The following EHMT1 variants were observed in gnomAD, a reference collection of about 807,000 sequenced individuals.
EHMT1 encodes the protein euchromatic histone lysine methyltransferase 1, also known as histone-lysine N-methyltransferase EHMT1.
EHMT1 carries 15 observed loss-of-function variants against 147.2 expected under a neutral mutation model. That is an observed-to-expected ratio of 0.10 (90% CI 0.07 to 0.16). The LOEUF is 0.16. Among genes scored for constraint, EHMT1 ranks in the 10% least tolerant of loss-of-function variants. The pLI is 1.00. For synonymous variants in EHMT1, 795 were observed against 709.6 expected (o/e 1.12, Z -1.91); for missense variants, 1,587 against 1,772.4 (o/e 0.90, Z 1.88).
At position 137,816,044 on chromosome 9, in the gene EHMT1, T is replaced by C. The variant is rs897615767; in HGVS notation, c.3356T>C (p.Val1119Ala). 1.3e-5 allele frequency: 21 copies of C among 1,612,324 alleles called. No individual in the cohort carries two copies. Among genetic ancestry groups the C allele is most frequent in the Non-Finnish European group, 1.7e-5 (20 of 1,179,208 alleles). ...CSCWRNCRNR[V>A]VQNGLRARLQ... ...TGCTGGAGGAACTGCCGAAATCGCG[T>C]CGTACAGAATGGTCTCAGGTGAGAG... The change falls in exon 23 of 27, where the codon GTC (valine) becomes GCC (alanine). Residue 1119 changes from valine to alanine, a missense_variant. Val to Ala is a moderately conservative substitution (Grantham distance 64, BLOSUM62 0). Coordinates refer to ENST00000460843, the MANE Select transcript of EHMT1 (RefSeq NM_024757.5).
At chr9:137,651,606 G>A (rs1052573101) in intron 1 of EHMT1, among the ~76,000 whole-genome samples, 1 of 152,100 alleles carries the variant, frequency 6.6e-6, no homozygotes, top group South Asian at 2.1e-4. Context: ...TGGCTAACAT[G>A]GTGAAACTCT....
chr9:137,772,709 T>C (rs1950670844), intron 10 of EHMT1, among the ~76,000 whole-genome samples: 1 of 152,250 alleles, frequency 6.6e-6, no homozygotes, highest in Non-Finnish European at 1.5e-5. Context: ...GCTCCTTTCT[T>C]GTTCTGGTCC....
intron 14 of EHMT1, among the ~76,000 whole-genome samples, chr9:137,781,622 T>C (rs555435589): frequency 4.6e-5 from 7 of 152,312 alleles, no homozygotes; most frequent in African/African-American, 1.7e-4. Context: ...AAAAGCATAC[T>C]TGTTAGAGAG....
At chr9:137,766,123 G>A (rs62589661) in intron 10 of EHMT1, among the ~76,000 whole-genome samples, 5,503 of 152,202 alleles carry the variant, frequency 0.036, 129 homozygotes, top group Non-Finnish European at 0.058. Flanking sequence ...TACAAGTTTG[G>A]CCCCTTTGTA....
chr9:137,778,104 C>T, intron 13 of EHMT1, 49 bp downstream of exon 13: 3 of 1,610,972 alleles, frequency 1.9e-6, no homozygotes, highest in Non-Finnish European at 2.5e-6. Flanking sequence ...CTGTTTTAAT[C>T]TGCACCCCGC....
intron 1 of EHMT1, among the ~76,000 whole-genome samples, chr9:137,701,091 AACTC>A (rs1280842124): frequency 1.3e-5 from 2 of 152,096 alleles, no homozygotes; most frequent in Admixed American, 1.3e-4. Flanking sequence ...GTCTCATGAG[AACTC>A]ACTCATTATC....
chr9:137,761,569 T>A (rs1357355546), intron 9 of EHMT1, among the ~76,000 whole-genome samples: 1 of 152,170 alleles, frequency 6.6e-6, no homozygotes, highest in African/African-American at 2.4e-5. Flanking sequence ...TTCTCCTGCC[T>A]CAGCCTCCTG....
intron 1 of EHMT1, among the ~76,000 whole-genome samples, chr9:137,656,949 C>T (rs980023032): frequency 3.3e-5 from 5 of 152,044 alleles, no homozygotes; most frequent in South Asian, 2.1e-4. Context: ...CCATTTTGGC[C>T]AGGCTGGTCT....
At chr9:137,744,767 C>G (rs1056152375) in intron 6 of EHMT1, among the ~76,000 whole-genome samples, 2 of 152,276 alleles carry the variant, frequency 1.3e-5, no homozygotes, top group African/African-American at 4.8e-5. Context: ...GCCAGGCGTG[C>G]TCTCTTCACA....
Position 137,768,212 on chromosome 9 carries a change from G to A in EHMT1, c.1647+5392G>A, listed in dbSNP as rs1950336369. The stretch of plus-strand genomic sequence containing the variant: ...GTTACGTGAGACATGACTGCATCAC[G>A]GTCCCTTTGTTAAGTTGATATATTT... On this transcript the variant is annotated intron_variant, in intron 10 of 26. Transcript: ENST00000460843. Among the ~76,000 whole-genome samples the A allele has an allele frequency of 2.6e-5, 4 of 152,046 alleles. No homozygotes were observed. In the South Asian group the frequency reaches 8.3e-4, roughly 32 times the overall value.
chr9:137,634,403 TCCCCATTG>T (rs1263083003), intron 1 of EHMT1, among the ~76,000 whole-genome samples: 1 of 152,228 alleles, frequency 6.6e-6, no homozygotes, highest in Non-Finnish European at 1.5e-5. Context: ...GACCATGCTT[TCCCCATTG>T]AATTGCCTGG....
chr9:137,641,143 C>A (rs1844456493), intron 1 of EHMT1: 1 of 370,790 alleles, frequency 2.7e-6, no homozygotes, highest in Non-Finnish European at 5.2e-6. Context: ...CTTTGCTGAC[C>A]TCTCCTAACT....
intron 1 of EHMT1, among the ~76,000 whole-genome samples, chr9:137,685,051 T>C (rs772090683): frequency 4.6e-5 from 7 of 152,200 alleles, no homozygotes; most frequent in Non-Finnish European, 8.8e-5. Context: ...TACCTCTAAA[T>C]CTTTTTTCCC....
chr9:137,776,640 C>T lies in EHMT1; in HGVS notation c.1814C>T (p.Pro605Leu), dbSNP rs373640528. ...CTAGNFMECQPESSISHRFHK... is the reference protein window; with the variant it reads ...CTAGNFMECQLESSISHRFHK... ...TAGGGTAATTTTATGGAGTGTCAGC[C>T]CGAGAGCAGCATCTCTCACCGTTTC... The change falls in exon 12 of 27, where the codon CCC becomes CTC. Residue 605 changes from proline (P) to leucine (L), a missense_variant. Physicochemically the swap from Pro to Leu is moderately conservative, Grantham distance 98 (BLOSUM62 -3). Transcript: ENST00000460843. This position sits in a 1 kb window ranked among gnomAD's most constrained non-coding sequence, Gnocchi z 4.4. The T allele has an allele frequency of 4.3e-6, 7 of 1,613,954 alleles. No homozygotes were observed. Among genetic ancestry groups the T allele is most frequent in the Non-Finnish European group, 5.9e-6 (7 of 1,180,024 alleles).
intron 6 of EHMT1, chr9:137,746,701 G>A (rs1219810447): frequency 6.6e-6 from 1 of 152,066 alleles, no homozygotes; most frequent in Non-Finnish European, 1.5e-5. Context: ...GTGAGGTAAG[G>A]GTCCCAGGGC....
intron 12 of EHMT1, among the ~76,000 whole-genome samples, chr9:137,777,577 T>C (rs147935458): frequency 2.6e-4 from 39 of 152,362 alleles, no homozygotes; most frequent in African/African-American, 9.4e-4. Context: ...GTAAATTTAA[T>C]GCACTTTGAA....
intron 1 of EHMT1, among the ~76,000 whole-genome samples, chr9:137,702,707 G>T (rs1456599817): frequency 2.6e-5 from 4 of 152,182 alleles, no homozygotes; most frequent in Non-Finnish European, 5.9e-5. Context: ...GCTCCACTAG[G>T]CAGTGCCCCA....
chr9:137,676,985 A>G (rs1941412778), intron 1 of EHMT1, among the ~76,000 whole-genome samples: 3 of 152,020 alleles, frequency 2.0e-5, no homozygotes. Flanking sequence ...GTGTGACAAG[A>G]ACCGGATTTT....
At chr9:137,724,915 A>AGACGTGTGGCC (rs1946445451) in intron 3 of EHMT1, among the ~76,000 whole-genome samples, 1 of 103,950 alleles carries the variant, frequency 9.6e-6, no homozygotes. Context: ...TTCGTTGGGC[A>AGACGTGTGGCC]TTCGTGTGGC....
Sources: gnomAD v4.1 joint callset for allele counts (sites outside exome capture counted in the v4.1 genomes callset) on GRCh38, gnomAD v4.1.1 for gene constraint, Gnocchi (gnomAD v3.1) non-coding constraint, MANE v1.5 for transcripts, NCBI Gene and HGNC (gene_info 2026-07-23, HGNC 2026-07-21) for gene names.